The following FGF12 variants were observed in gnomAD, a reference collection of about 807,000 sequenced individuals.
FGF12 encodes the protein fibroblast growth factor 12.
A neutral mutation model predicts 23.6 loss-of-function variants in FGF12; 14 were observed. That is an observed-to-expected ratio of 0.59 (90% CI 0.39 to 0.93). FGF12 has a LOEUF of 0.93. Ranked by LOEUF, FGF12 falls within the 40% of genes least tolerant of loss-of-function variation. The pLI, the probability that FGF12 is intolerant of heterozygous loss-of-function variation, is 0.00. For missense variants in FGF12, 175 were observed against 217.8 expected (o/e 0.80, Z 1.24); for synonymous variants, 62 against 77.3 (o/e 0.80, Z 1.04).
At chr3:192,347,523 C>T (rs539839764) in intron 3 of FGF12, among the ~76,000 whole-genome samples, 11 of 152,112 alleles carry the variant, frequency 7.2e-5, no homozygotes, top group East Asian at 1.9e-4. Context: ...TCTTCCTTTA[C>T]GTCTCAGTAG....
intron 2 of FGF12, among the ~76,000 whole-genome samples, chr3:192,491,893 G>A (rs74922432): frequency 0.061 from 9,226 of 152,110 alleles, 970 homozygotes; most frequent in African/African-American, 0.21. Context: ...AAAAATTCTC[G>A]CTCAGATAGG....
chr3:192,149,256 T>C (rs1217165511), intron 5 of FGF12, among the ~76,000 whole-genome samples: 1 of 152,160 alleles, frequency 6.6e-6, no homozygotes, highest in Non-Finnish European at 1.5e-5. Context: ...TCAAGAAAAA[T>C]CATTCAAACT....
At position 192,408,902 on chromosome 3, in the gene FGF12, C is replaced by T. The variant is rs1684040592; in HGVS notation, c.14-48364G>A. On this transcript the variant is annotated intron_variant, in intron 2 of 5. Transcript: ENST00000445105. This position sits in a 1 kb window ranked among gnomAD's most constrained non-coding sequence, Gnocchi z 7.3. The stretch of plus-strand genomic sequence containing the variant: ...GTGAGGTCTACAGAATGCATCGCGC[C>T]GGCTGCGGCTTTCCAGGGGCCGGCC... The T allele has an allele frequency of 1.0e-6, 1 of 985,328 alleles. No homozygotes were observed. The highest frequency in any genetic ancestry group is 5.2e-4 in the Middle Eastern group (1 of 1,914). 61.0% of individuals were successfully genotyped at this position (985,328 alleles called of 1,614,324 possible).
intron 2 of FGF12, among the ~76,000 whole-genome samples, chr3:192,584,308 T>G (rs1235944681): frequency 6.6e-6 from 1 of 152,130 alleles, no homozygotes; most frequent in African/African-American, 2.4e-5. Flanking sequence ...TTCTTCGGCC[T>G]TGTAAATTTG....
At chr3:192,178,698 C>T (rs974270666) in intron 4 of FGF12, among the ~76,000 whole-genome samples, 1 of 152,076 alleles carries the variant, frequency 6.6e-6, no homozygotes, top group Admixed American at 6.5e-5. Context: ...GGGTTTCACC[C>T]TGTTGGCCAG....
intron 5 of FGF12, among the ~76,000 whole-genome samples, chr3:192,156,879 T>C (rs1008786028): frequency 6.6e-6 from 1 of 152,208 alleles, no homozygotes; most frequent in Admixed American, 6.5e-5. Context: ...CTTATTTCAC[T>C]TCTTTTCTTC....
chr3:192,353,954 A>C (rs1718348439), intron 3 of FGF12, among the ~76,000 whole-genome samples: 2 of 152,346 alleles, frequency 1.3e-5, no homozygotes, highest in East Asian at 3.9e-4. Context: ...GATTTCCTTC[A>C]TAATTTTCCT....
chr3:192,502,806 T>A lies in FGF12; in HGVS notation c.14-142268A>T, dbSNP rs532230678. On this transcript the variant is annotated intron_variant, in intron 2 of 5. Coordinates refer to ENST00000445105, the MANE Select transcript of FGF12 (RefSeq NM_004113.6). ...TAATTGCTAGAGGAAACAAAGAATA[T>A]CCATTATGCATATCTAGGCTAGAAG... Among the ~76,000 whole-genome samples, 12 of 152,266 alleles carry A rather than the reference T, an allele frequency of 7.9e-5. No homozygotes were observed. In the East Asian group the frequency reaches 1.9e-3, roughly 24 times the overall value.
chr3:192,281,769 A>G (rs1714159261), intron 4 of FGF12, among the ~76,000 whole-genome samples: 1 of 152,020 alleles, frequency 6.6e-6, no homozygotes, highest in African/African-American at 2.4e-5. Flanking sequence ...AAACATAACA[A>G]ATATGTGCCT....
chr3:192,543,503 T>G (rs1246142533), intron 2 of FGF12, among the ~76,000 whole-genome samples: 2 of 151,682 alleles, frequency 1.3e-5, no homozygotes, highest in Non-Finnish European at 2.9e-5. Context: ...CTCTACCCCA[T>G]TGTGGCCGAG....
intron 4 of FGF12, among the ~76,000 whole-genome samples, chr3:192,280,550 A>G (rs906468997): frequency 2.0e-5 from 3 of 152,146 alleles, no homozygotes; most frequent in African/African-American, 7.2e-5. Flanking sequence ...AGAAATTTTT[A>G]TAGTATCTGA....
chr3:192,581,649 ACT>A (rs1250718619), intron 2 of FGF12, among the ~76,000 whole-genome samples: 2 of 151,514 alleles, frequency 1.3e-5, no homozygotes. Context: ...AACTCCCATC[ACT>A]CTTTGTGGAC....
intron 2 of FGF12, among the ~76,000 whole-genome samples, chr3:192,401,340 C>T (rs1184898147): frequency 6.6e-6 from 1 of 152,288 alleles, no homozygotes; most frequent in East Asian, 1.9e-4. Flanking sequence ...ATTTTTAGTA[C>T]CTTTTACAGA....
intron 2 of FGF12, among the ~76,000 whole-genome samples, chr3:192,437,540 C>A (rs1010475125): frequency 6.6e-6 from 1 of 151,848 alleles, no homozygotes; most frequent in Non-Finnish European, 1.5e-5. Flanking sequence ...AAAATACAAA[C>A]CATTAGCCGG....
chr3:192,277,951 CG>C (rs1341865720), intron 4 of FGF12, among the ~76,000 whole-genome samples: 4 of 152,050 alleles, frequency 2.6e-5, no homozygotes, highest in Non-Finnish European at 5.9e-5. Flanking sequence ...TTAGTAGAGA[CG>C]GGGTTTCGCC....
At position 192,567,790 on chromosome 3, in the gene FGF12, T is replaced by TTTCTTTC. The variant is rs764468056; in HGVS notation, c.13+159384_13+159390dup. ...CTTTCTTTCTTTCTTTCTTTCTTTC[T>TTTCTTTC]TTCTTTCTTTCTCTTTCTTTCTTTC... On this transcript the variant is annotated intron_variant, in intron 2 of 5. Transcript: ENST00000445105. Among the ~76,000 whole-genome samples, 21 of 135,710 alleles carry TTTCTTTC rather than the reference T, an allele frequency of 1.5e-4. No individual in the cohort carries two copies. The South Asian group carries it at 4.9e-3, about 32-fold the overall frequency. 89.0% of individuals were successfully genotyped at this position (135,710 alleles called of 152,430 possible).
chr3:192,400,432 G>A (rs967484156), intron 2 of FGF12, among the ~76,000 whole-genome samples: 3 of 139,536 alleles, frequency 2.1e-5, no homozygotes, highest in Non-Finnish European at 4.5e-5. Flanking sequence ...GCAATGACAC[G>A]ACCTTGGCTC....
chr3:192,487,384 G>A (rs11925872), intron 2 of FGF12, among the ~76,000 whole-genome samples: 3 of 151,870 alleles, frequency 2.0e-5, no homozygotes, highest in African/African-American at 4.8e-5. Flanking sequence ...GACTTTGTCC[G>A]TTGTTTCTCC....
At chr3:192,327,283 C>G (rs1249953190) in intron 4 of FGF12, among the ~76,000 whole-genome samples, 1 of 152,116 alleles carries the variant, frequency 6.6e-6, no homozygotes, top group Non-Finnish European at 1.5e-5. Context: ...TACCATGATT[C>G]TCATGGTTAC....
Sources: allele counts gnomAD v4.1 joint callset (sites outside exome capture counted in the v4.1 genomes callset), GRCh38; gene constraint gnomAD v4.1.1; non-coding constraint Gnocchi (gnomAD v3.1); transcripts MANE v1.5; gene names NCBI Gene and HGNC (gene_info 2026-07-23, HGNC 2026-07-21).